The following CHL1 variants were observed in gnomAD, a reference collection of about 807,000 sequenced individuals.
The protein encoded by CHL1 is neural cell adhesion molecule L1-like protein.
CHL1 carries 96 observed loss-of-function variants against 141.9 expected under a neutral mutation model. That is an observed-to-expected ratio of 0.68 (90% confidence interval 0.57 to 0.80). The LOEUF is 0.80. CHL1 is among the 30% of genes least tolerant of loss of function. The probability of loss-of-function intolerance (pLI) is 0.00; values close to 1 mark genes in which losing one functional copy is unlikely to be tolerated. For missense variants in CHL1, 1,820 were observed against 1,457.2 expected (o/e 1.25, Z -4.05); for synonymous variants, 613 against 502.2 (o/e 1.22, Z -2.95).
At chr3:356,953 G>A (rs1248251763) in intron 11 of CHL1, among the ~76,000 whole-genome samples, 3 of 152,206 alleles carry the variant, frequency 2.0e-5, no homozygotes, top group Non-Finnish European at 4.4e-5. Flanking sequence ...GCCTTTGAAT[G>A]GAGAATGGAC....
intron 11 of CHL1, among the ~76,000 whole-genome samples, chr3:356,122 G>T (rs375154179): frequency 6.6e-6 from 1 of 152,090 alleles, no homozygotes; most frequent in Non-Finnish European, 1.5e-5. Context: ...ACTATCTTCA[G>T]ATTTGGGATT....
chr3:241,145 T>C (rs573693239), intron 1 of CHL1, among the ~76,000 whole-genome samples: 2 of 152,194 alleles, frequency 1.3e-5, no homozygotes, highest in Non-Finnish European at 2.9e-5. Context: ...GTTAGGCCTT[T>C]AGTTAATTTT....
Position 362,291 on chromosome 3 carries a change from C to T in CHL1, c.1418+481C>T, listed in dbSNP as rs1036257257. On this transcript the variant is annotated intron_variant, in intron 13 of 27. Transcript: ENST00000256509. ...AAAGACATTATCAATATGGATCTACCTTATTAGTTGCTTTACTGAAAAAGC... is the reference window on the plus strand; with the variant it reads ...AAAGACATTATCAATATGGATCTACTTTATTAGTTGCTTTACTGAAAAAGC... Among the ~76,000 whole-genome samples, 3 of 151,990 alleles carry T rather than the reference C, an allele frequency of 2.0e-5. No individual in the cohort carries two copies. In the South Asian group the frequency reaches 6.2e-4, roughly 32 times the overall value.
At chr3:299,597 C>T (rs1271976613) in intron 2 of CHL1, among the ~76,000 whole-genome samples, 3 of 152,154 alleles carry the variant, frequency 2.0e-5, no homozygotes, top group East Asian at 3.8e-4. Context: ...GAGGATGTAA[C>T]ATCTTGATTT....
chr3:242,402 C>G (rs940941170), intron 1 of CHL1, among the ~76,000 whole-genome samples: 6 of 140,930 alleles, frequency 4.3e-5, no homozygotes, highest in Middle Eastern at 7.4e-3. Context: ...CGAGACCATC[C>G]TGGCTAACAC....
intron 15 of CHL1, among the ~76,000 whole-genome samples, chr3:372,422 T>TA (rs1705755125): frequency 1.3e-5 from 2 of 152,190 alleles, no homozygotes; most frequent in Non-Finnish European, 2.9e-5. Flanking sequence ...TGTGTATGCT[T>TA]CATGAAGTTC....
chr3:315,331 A>G (rs1700079389), intron 2 of CHL1, among the ~76,000 whole-genome samples: 1 of 152,052 alleles, frequency 6.6e-6, no homozygotes, highest in African/African-American at 2.4e-5. Flanking sequence ...TAACTTTCCC[A>G]TGGTCTCATC....
intron 2 of CHL1, among the ~76,000 whole-genome samples, chr3:270,583 T>C (rs918661586): frequency 6.6e-6 from 1 of 152,210 alleles, no homozygotes; most frequent in African/African-American, 2.4e-5. Flanking sequence ...ATGAGACATC[T>C]ACCTGTTGTT....
At chr3:294,880 T>A (rs200323012) in intron 2 of CHL1, among the ~76,000 whole-genome samples, 1 of 152,240 alleles carries the variant, frequency 6.6e-6, no homozygotes, top group Non-Finnish European at 1.5e-5. Context: ...AATTTATTCC[T>A]TTTATTCATT....
At chr3:393,893 C>G (rs963054561) in intron 23 of CHL1, among the ~76,000 whole-genome samples, 1 of 152,072 alleles carries the variant, frequency 6.6e-6, no homozygotes, top group East Asian at 1.9e-4. Context: ...ATTTTTATGT[C>G]AATAATAAAT....
chr3:310,784 A>G (rs767195165), intron 2 of CHL1, among the ~76,000 whole-genome samples: 2 of 152,220 alleles, frequency 1.3e-5, no homozygotes, highest in Non-Finnish European at 2.9e-5. Flanking sequence ...CTTTTGGTGT[A>G]TACATTCTAC....
chr3:337,516 C>A (rs1156838130), intron 5 of CHL1, among the ~76,000 whole-genome samples: 2 of 150,118 alleles, frequency 1.3e-5, no homozygotes, highest in South Asian at 2.1e-4. Context: ...TCCCTCCCCT[C>A]TCCCCCCACC....
At chr3:302,578 T>C (rs905602175) in intron 2 of CHL1, among the ~76,000 whole-genome samples, 47 of 152,086 alleles carry the variant, frequency 3.1e-4, no homozygotes, top group Admixed American at 2.6e-3. Context: ...CCTTTGCCCA[T>C]TTGTTGATCA....
intron 16 of CHL1, among the ~76,000 whole-genome samples, chr3:380,629 G>C (rs1706915141): frequency 6.6e-6 from 1 of 152,058 alleles, no homozygotes. Context: ...AAATCTCCCT[G>C]TTCTGATATA....
intron 2 of CHL1, among the ~76,000 whole-genome samples, chr3:273,640 C>G (rs1317268661): frequency 6.6e-6 from 1 of 152,082 alleles, no homozygotes; most frequent in Non-Finnish European, 1.5e-5. Flanking sequence ...ACGAAATTAT[C>G]AGAATCTTGA....
chr3:381,310 T>C (rs1184799589), intron 16 of CHL1, among the ~76,000 whole-genome samples: 2 of 152,022 alleles, frequency 1.3e-5, no homozygotes, highest in African/African-American at 4.8e-5. Flanking sequence ...AAAGAAGGGT[T>C]TTTATGGAAC....
chr3:285,346 A>C (rs1435930443), intron 2 of CHL1, among the ~76,000 whole-genome samples: 1 of 152,222 alleles, frequency 6.6e-6, no homozygotes, highest in Non-Finnish European at 1.5e-5. Flanking sequence ...TTTCTCTATA[A>C]AATGCCAATG....
chr3:393,352 A>G (rs1708404657), intron 23 of CHL1, among the ~76,000 whole-genome samples: 1 of 152,134 alleles, frequency 6.6e-6, no homozygotes, highest in Non-Finnish European at 1.5e-5. Context: ...AACTGCAGAA[A>G]TATTTTAAGA....
At chr3:383,988 A>G in intron 19 of CHL1, 102 bp downstream of exon 19, 1 of 725,052 alleles carries the variant, frequency 1.4e-6, no homozygotes, top group Non-Finnish European at 2.3e-6. Context: ...TTAAGAACAA[A>G]GATAAGATTT....
Sources: gnomAD v4.1 joint callset for allele counts (sites outside exome capture counted in the v4.1 genomes callset) on GRCh38, gnomAD v4.1.1 for gene constraint, MANE v1.5 for transcripts, NCBI Gene and HGNC (gene_info 2026-07-23, HGNC 2026-07-21) for gene names.